Variants in FIG4 observed in about 807,000 individuals in gnomAD.
FIG4 encodes FIG4 phosphoinositide 5-phosphatase.
A neutral mutation model predicts 118.6 loss-of-function variants in FIG4; 112 were observed. That is an observed-to-expected ratio of 0.94 (90% CI 0.81 to 1.11). The LOEUF (loss-of-function observed/expected upper bound fraction) is 1.11, where lower values mean the gene tolerates loss of function less well. Ranked by LOEUF, FIG4 falls within the 50% of genes least tolerant of loss-of-function variation. FIG4 has a pLI of 0.00. For missense variants in FIG4, 969 were observed against 1,111.7 expected, an observed-to-expected ratio of 0.87 and a Z score of 1.83; for synonymous variants, 369 against 381.2, an observed-to-expected ratio of 0.97 and a Z score of 0.37.
intron 22 of FIG4, among the ~76,000 whole-genome samples, chr6:109,824,842 A>G (rs369770022): frequency 6.6e-6 from 1 of 152,024 alleles, no homozygotes; most frequent in Non-Finnish European, 1.5e-5. Context: ...AGATGTGGAA[A>G]CAGAGGAGAG....
At chr6:109,733,780 TAGTG>T (rs998528927) in intron 5 of FIG4, among the ~76,000 whole-genome samples, 2 of 152,050 alleles carry the variant, frequency 1.3e-5, no homozygotes, top group African/African-American at 4.8e-5. Flanking sequence ...CCTAACTTTT[TAGTG>T]TTTGTGAATT....
At chr6:109,714,575 C>A (rs983362733) in intron 1 of FIG4, among the ~76,000 whole-genome samples, 1 of 152,096 alleles carries the variant, frequency 6.6e-6, no homozygotes. Flanking sequence ...GGAAGGACAA[C>A]CATTTTAATC....
intron 17 of FIG4, among the ~76,000 whole-genome samples, chr6:109,785,447 C>T (rs1386284994): frequency 6.6e-6 from 1 of 152,086 alleles, no homozygotes; most frequent in Non-Finnish European, 1.5e-5. Flanking sequence ...AAAAAAGGTA[C>T]AGATGCATGT....
chr6:109,728,747 G>C (rs149260411), intron 4 of FIG4, among the ~76,000 whole-genome samples: 1 of 152,272 alleles, frequency 6.6e-6, no homozygotes, highest in Non-Finnish European at 1.5e-5. Flanking sequence ...TGATACAGCT[G>C]ATAGGAAGGC....
chr6:109,710,750 T>C (rs1204623130), intron 1 of FIG4, among the ~76,000 whole-genome samples: 1 of 152,218 alleles, frequency 6.6e-6, no homozygotes, highest in Non-Finnish European at 1.5e-5. Flanking sequence ...TTCTAGATTT[T>C]CTAGTGTATG....
Position 109,727,370 on chromosome 6 carries a change from C to G in FIG4, c.446+105C>G, listed in dbSNP as rs778693746. ...ATGGCATGGTCATAGCTTGCTGTAGCCTTGGCCTCCCAGGCTCAAGTACTT... is the reference window on the plus strand; with the variant it reads ...ATGGCATGGTCATAGCTTGCTGTAGGCTTGGCCTCCCAGGCTCAAGTACTT... On this transcript the variant is annotated intron_variant, in intron 4 of 22. Transcript: ENST00000230124. The G allele has an allele frequency of 1.4e-4, 123 of 892,392 alleles. 1 individual carries two copies. The highest frequency in any genetic ancestry group is 1.2e-3 in the Middle Eastern group (4 of 3,212). 55.3% of individuals were successfully genotyped at this position (892,392 alleles called of 1,614,324 possible).
Position 109,777,079 on chromosome 6 carries a change from T to A in FIG4, c.1889+19T>A, listed in dbSNP as rs1370050829. 6 of 1,607,428 alleles carry A rather than the reference T, an allele frequency of 3.7e-6. No individual in the cohort carries two copies. The South Asian group carries it at 6.6e-5, about 18-fold the overall frequency. On this transcript the variant is annotated intron_variant, in intron 16 of 22. Transcript: ENST00000230124. ...GAAGAAGGTATTTTTCTTCCTAGTC[T>A]GTAATATAAACTCCCATTTGGTGTT...
chr6:109,784,378 A>G (rs1405068538), intron 16 of FIG4, among the ~76,000 whole-genome samples: 1 of 152,208 alleles, frequency 6.6e-6, no homozygotes, highest in African/African-American at 2.4e-5. Context: ...AGCTTCTGTA[A>G]TCAAGTAGCA....
At chr6:109,815,377 C>T (rs530315206) in intron 22 of FIG4, among the ~76,000 whole-genome samples, 164 of 151,940 alleles carry the variant, frequency 1.1e-3, no homozygotes, top group African/African-American at 3.7e-3. Context: ...ATACTTCCTC[C>T]GGCTGCGTCC....
At chr6:109,743,897 G>A in intron 10 of FIG4, 125 bp downstream of exon 10, 1 of 762,784 alleles carries the variant, frequency 1.3e-6, no homozygotes, top group South Asian at 1.4e-5. Flanking sequence ...AGATTATTAT[G>A]CTGGGACAGC....
intron 15 of FIG4, among the ~76,000 whole-genome samples, chr6:109,771,197 T>A (rs946299812): frequency 6.6e-6 from 1 of 152,238 alleles, no homozygotes; most frequent in South Asian, 2.1e-4. Flanking sequence ...AAAGCCCAAC[T>A]CTTCACCTCT....
intron 1 of FIG4, chr6:109,701,678 C>T (rs1449340502): frequency 2.1e-6 from 1 of 471,382 alleles, no homozygotes; most frequent in African/African-American, 2.0e-5. Context: ...AGGAAGCTCC[C>T]TCCCACCCCC....
chr6:109,735,080 A>C, intron 5 of FIG4, 70 bp from the exon 6 acceptor site: 2 of 1,326,246 alleles, frequency 1.5e-6, no homozygotes, highest in Non-Finnish European at 2.2e-6. Flanking sequence ...TTTTAATTCT[A>C]TATGGGCGCC....
Position 109,810,898 on chromosome 6 carries a change from G to C in FIG4, c.2546+14047G>C, listed in dbSNP as rs140072213. 2.4e-3 allele frequency among the ~76,000 whole-genome samples: 362 copies of C among 152,300 alleles called. 2 individuals carry two copies. Among genetic ancestry groups the C allele is most frequent in the Middle Eastern group, 0.01 (3 of 294 alleles). ...TCCCTCAGTATCAGAAAGAGTATGA[G>C]GCAGAGAACCAGGCTGGTCAGAGAA... On this transcript the variant is annotated intron_variant, in intron 22 of 22. Transcript: ENST00000230124.
At chr6:109,816,033 A>C (rs1778853715) in intron 22 of FIG4, among the ~76,000 whole-genome samples, 1 of 152,192 alleles carries the variant, frequency 6.6e-6, no homozygotes, top group Non-Finnish European at 1.5e-5. Flanking sequence ...AAAAAAATAC[A>C]GAATCCAAGG....
chr6:109,739,124 TGAAACTA>T (rs1367602081), intron 7 of FIG4, among the ~76,000 whole-genome samples: 1 of 152,046 alleles, frequency 6.6e-6, no homozygotes, highest in Non-Finnish European at 1.5e-5. Flanking sequence ...TTAAGTAAAA[TGAAACTA>T]GAACAAGTAA....
At chr6:109,692,978 C>A (rs1008791377) in intron 1 of FIG4, among the ~76,000 whole-genome samples, 2 of 152,228 alleles carry the variant, frequency 1.3e-5, no homozygotes, top group African/African-American at 4.8e-5. Context: ...GCCACCGCAT[C>A]TGGCCGTAAA....
intron 10 of FIG4, among the ~76,000 whole-genome samples, chr6:109,755,307 T>C (rs1018658623): frequency 1.1e-4 from 17 of 152,236 alleles, no homozygotes; most frequent in Non-Finnish European, 2.4e-4. Context: ...AGAGACAGCT[T>C]GTTATAATTT....
chr6:109,785,068 T>C, intron 17 of FIG4, 40 bp downstream of exon 17: 2 of 1,187,194 alleles, frequency 1.7e-6, no homozygotes, highest in South Asian at 2.4e-5. Context: ...CACTAACATA[T>C]TTTGGCATTA....
Sources: allele counts gnomAD v4.1 joint callset (sites outside exome capture counted in the v4.1 genomes callset), GRCh38; gene constraint gnomAD v4.1.1; transcripts MANE v1.5; gene names NCBI Gene and HGNC (gene_info 2026-07-23, HGNC 2026-07-21).